The following ANAPC1 variants were observed in gnomAD, a reference collection of about 807,000 sequenced individuals.
The protein encoded by ANAPC1 is anaphase promoting complex subunit 1.
Under a neutral mutation model 208.0 loss-of-function variants are expected in ANAPC1, and 36 were observed. That is an observed-to-expected ratio of 0.17 (90% CI 0.13 to 0.23). The LOEUF (loss-of-function observed/expected upper bound fraction) is 0.23, where lower values mean the gene tolerates loss of function less well. Ranked by LOEUF, ANAPC1 falls within the 10% of genes least tolerant of loss-of-function variation. ANAPC1 has a pLI of 1.00. For missense variants in ANAPC1, 942 were observed against 2,011.6 expected (o/e 0.47, Z 10.17); for synonymous variants, 378 against 695.2 (o/e 0.54, Z 7.18).
intron 21 of ANAPC1, 90 bp downstream of exon 21, chr2:111,831,196 T>C (rs1030725862): frequency 5.0e-6 from 7 of 1,397,912 alleles, no homozygotes; most frequent in African/African-American, 4.4e-5. Flanking sequence ...CACAGAACTA[T>C]ACACAGAAAA....
chr2:111,777,448 G>A (rs1439344531), intron 45 of ANAPC1, among the ~76,000 whole-genome samples: 1 of 151,342 alleles, frequency 6.6e-6, no homozygotes. Context: ...TACTGCCCTT[G>A]AGATCCATCT....
At chr2:111,839,052 G>A (rs1680624793) in intron 17 of ANAPC1, among the ~76,000 whole-genome samples, 1 of 152,124 alleles carries the variant, frequency 6.6e-6, no homozygotes, top group Non-Finnish European at 1.5e-5. Flanking sequence ...AGTTAGGTGT[G>A]ACCCTTTGAC....
intron 16 of ANAPC1, 68 bp downstream of exon 16, chr2:111,847,070 T>C (rs1366473622): frequency 1.5e-5 from 20 of 1,346,310 alleles, no homozygotes; most frequent in Non-Finnish European, 2.1e-5. Context: ...AAATAATGTT[T>C]AAAACCCCAA....
intron 18 of ANAPC1, among the ~76,000 whole-genome samples, chr2:111,837,420 G>C (rs1680526654): frequency 6.6e-6 from 1 of 152,140 alleles, no homozygotes; most frequent in African/African-American, 2.4e-5. Flanking sequence ...ACGAGTTCAA[G>C]ACCAGCCTGA....
intron 42 of ANAPC1, among the ~76,000 whole-genome samples, chr2:111,782,880 T>G (rs1377317491): frequency 6.6e-6 from 1 of 152,266 alleles, no homozygotes; most frequent in South Asian, 2.1e-4. Context: ...AAGAAAATAA[T>G]GCTGCAAATC....
chr2:111,843,262 A>C (rs1680866306), intron 17 of ANAPC1, 150 bp downstream of exon 17: 1 of 700,328 alleles, frequency 1.4e-6, no homozygotes, highest in Admixed American at 3.1e-5. Context: ...GTGAGATTTT[A>C]TTTACAATAT....
intron 3 of ANAPC1, among the ~76,000 whole-genome samples, chr2:111,876,264 A>G (rs1252812555): frequency 1.5e-5 from 2 of 131,020 alleles, no homozygotes; most frequent in Admixed American, 1.6e-4. Context: ...AATAAAAAGA[A>G]CAACCAAAAA....
chr2:111,880,250 T>A (rs1375774940), intron 2 of ANAPC1, among the ~76,000 whole-genome samples: 1 of 151,850 alleles, frequency 6.6e-6, no homozygotes, highest in Non-Finnish European at 1.5e-5. Flanking sequence ...TGCATGCCTG[T>A]AATCCCAGCT....
rs1681770652 is a variant in ANAPC1, at chr2:111,857,096, A to C, written c.1359-210T>G. On this transcript the variant is annotated intron_variant, in intron 11 of 47. Transcript: ENST00000341068. ...TGGTGTATGTGACTATAAGGAGTTA[A>C]CGTAAGACAGATAAAGATGTTTTGT... is the stretch of plus-strand genomic sequence containing the variant. 8.0e-6 allele frequency: 4 copies of C among 501,140 alleles called. No homozygotes were observed. The East Asian group carries it at 1.4e-4, about 17-fold the overall frequency. 31.0% of individuals were successfully genotyped at this position (501,140 alleles called of 1,614,324 possible). A position where few individuals can be genotyped will look rare whatever the true frequency, so the allele number is the denominator to read the frequency against.
At position 111,880,826 on chromosome 2, in the gene ANAPC1, G is replaced by A; in HGVS notation, c.-1C>T. ...TCCTTTCTTCATAGAAGTTCGACAT[G>A]GGTTCCAAATATCAACATTATTTCT... On this transcript the variant is annotated 5_prime_UTR_variant, in exon 2 of 48. Transcript: ENST00000341068. The A allele has an allele frequency of 1.2e-6, 2 of 1,613,590 alleles. No homozygotes were observed. Among genetic ancestry groups the A allele is most frequent in the South Asian group, 2.2e-5 (2 of 91,022 alleles).
chr2:111,877,860 C>T (rs1342991740), intron 3 of ANAPC1, among the ~76,000 whole-genome samples: 1 of 152,082 alleles, frequency 6.6e-6, no homozygotes, highest in South Asian at 2.1e-4. Context: ...TTCCTTATCT[C>T]ATGGTATTTT....
At chr2:111,772,592 G>A (rs1373825774) in intron 46 of ANAPC1, 117 bp from the exon 47 acceptor site, 2 of 506,864 alleles carry the variant, frequency 3.9e-6, no homozygotes, top group Admixed American at 3.7e-5. Context: ...TATAAAGCAG[G>A]TTCTATAGCC....
intron 3 of ANAPC1, among the ~76,000 whole-genome samples, chr2:111,877,605 C>T (rs1683086678): frequency 1.3e-5 from 2 of 152,026 alleles, no homozygotes; most frequent in Middle Eastern, 3.4e-3. Context: ...ACAGTGAAAC[C>T]CCAGCTCTAC....
chr2:111,777,026 G>C lies in ANAPC1; in HGVS notation c.5417C>G (p.Ser1806Cys). ...AIRRLGRREMSETSELWQIKL... is the reference protein window; with the variant it reads ...AIRRLGRREMCETSELWQIKL... ...TATCTGCCAAAGTTCAGAAGTCTCA[G>C]ACATTTCTCTTCTCCCAAGTCTTCT... Residue 1806 changes from serine (S) to cysteine (C), a missense_variant, in exon 46 of 48, where the codon TCT (serine) becomes TGT (cysteine). Transcript: ENST00000341068. The C allele has an allele frequency of 1.8e-6, 1 of 553,268 alleles. No individual in the cohort carries two copies. The highest frequency in any genetic ancestry group is 3.2e-6 in the Non-Finnish European group (1 of 315,918). The allele number at this position is 553,268 out of a possible 1,614,324, so 34.3% of individuals were successfully genotyped here.
chr2:111,851,042 A>T, intron 13 of ANAPC1, 132 bp from the exon 14 acceptor site: 1 of 1,106,476 alleles, frequency 9.0e-7, no homozygotes, highest in South Asian at 1.8e-5. Context: ...AACACAGCAA[A>T]GAAACAATTC....
At chr2:111,861,431 T>C (rs1378447940) in intron 10 of ANAPC1, among the ~76,000 whole-genome samples, 1 of 152,188 alleles carries the variant, frequency 6.6e-6, no homozygotes, top group Admixed American at 6.5e-5. Context: ...GTGGAAGTAC[T>C]TGTAATTCCC....
chr2:111,830,279 A>G (rs2104455603), intron 21 of ANAPC1, among the ~76,000 whole-genome samples: 1 of 152,358 alleles, frequency 6.6e-6, no homozygotes, highest in South Asian at 2.1e-4. Flanking sequence ...CAAATGCAAT[A>G]GAGAAAGGAT....
rs1156702851 is a variant in ANAPC1, at chr2:111,864,463, C to CTTTT, written c.831+339_831+342dup. Among the ~76,000 whole-genome samples, 451 of 95,178 alleles carry CTTTT rather than the reference C, an allele frequency of 4.7e-3. 70 individuals carry two copies. Among genetic ancestry groups the CTTTT allele is most frequent in the Non-Finnish European group, 5.6e-3 (296 of 52,830 alleles). 62.4% of individuals were successfully genotyped at this position (95,178 alleles called of 152,430 possible). ...AACTACTCTTTCATATATATATATA[C>CTTTT]TTTTTTTTTTTTTTTTTTTGAGATG... On this transcript the variant is annotated intron_variant, in intron 8 of 47. Coordinates refer to ENST00000341068, the MANE Select transcript of ANAPC1 (RefSeq NM_022662.4).
At position 111,872,662 on chromosome 2, in the gene ANAPC1, A is replaced by T. The variant is rs753197694; in HGVS notation, c.579T>A (p.Ala193=). The change falls in exon 6 of 48, where the codon GCT becomes GCA. Residue 193 remains alanine (A), a synonymous_variant. Coordinates refer to ENST00000341068, the MANE Select transcript of ANAPC1 (RefSeq NM_022662.4). ...TKYGLLFERS[A]SSHEVPPGSP... ...AACCTGGAGGTACTTCATGTGAAGA[A>T]GCGCTTCGTTCAAACAGCAATCCAT... 6.8e-6 allele frequency: 11 copies of T among 1,613,726 alleles called. No homozygotes were observed. The highest frequency in any genetic ancestry group is 9.3e-6 in the Non-Finnish European group (11 of 1,179,666).
Sources: gnomAD v4.1 joint callset for allele counts (sites outside exome capture counted in the v4.1 genomes callset) on GRCh38, gnomAD v4.1.1 for gene constraint, MANE v1.5 for transcripts, NCBI Gene and HGNC (gene_info 2026-07-23, HGNC 2026-07-21) for gene names.